Variants in SORT1 observed in about 807,000 individuals in gnomAD.
The protein encoded by SORT1 is sortilin 1.
In SORT1, 39 loss-of-function variants were observed where a neutral mutation model predicts 101.7. The ratio of observed to expected loss-of-function variants is 0.38; its 90% CI spans 0.30 to 0.50. SORT1 has a LOEUF of 0.50. Ranked by LOEUF, SORT1 falls within the 20% of genes least tolerant of loss-of-function variation. The pLI is 0.90. For synonymous variants in SORT1, 396 were observed against 393.7 expected (o/e 1.01, Z -0.07); for missense variants, 878 against 1,040.4 (o/e 0.84, Z 2.15).
intron 14 of SORT1, among the ~76,000 whole-genome samples, chr1:109,324,100 T>C (rs190821313): frequency 9.4e-5 from 14 of 149,084 alleles, no homozygotes; most frequent in Non-Finnish European, 1.9e-4. Flanking sequence ...TAACTACAGG[T>C]CATCCTTTTT....
chr1:109,381,022 G>C (rs1337738765), intron 1 of SORT1, among the ~76,000 whole-genome samples: 2 of 151,788 alleles, frequency 1.3e-5, no homozygotes, highest in Non-Finnish European at 2.9e-5. Context: ...ATCCAGTGAG[G>C]GCATAGGGAC....
In SORT1 at chr1:109,331,084, T is replaced by C. The variant is rs1025838155; in HGVS notation, c.1372-3483A>G. Among the ~76,000 whole-genome samples, 14 of 152,252 alleles carry C rather than the reference T, an allele frequency of 9.2e-5. No individual in the cohort carries two copies. The East Asian group carries it at 1.4e-3, about 15-fold the overall frequency. ...GATCCTTCTCAAACTCTTCCAAAAA[T>C]TGAAGAGAATGGAACACTTCCAAAC... On this transcript the variant is annotated intron_variant, in intron 11 of 19. Coordinates refer to ENST00000256637, the MANE Select transcript of SORT1 (RefSeq NM_002959.7).
intron 13 of SORT1, among the ~76,000 whole-genome samples, chr1:109,325,306 C>T (rs1047492366): frequency 1.4e-5 from 2 of 140,278 alleles, no homozygotes; most frequent in African/African-American, 5.3e-5. Context: ...GGCGCGATCT[C>T]GACTCACTGC....
At chr1:109,393,741 C>T (rs1166667950) in intron 1 of SORT1, among the ~76,000 whole-genome samples, 1 of 152,034 alleles carries the variant, frequency 6.6e-6, no homozygotes, top group East Asian at 1.9e-4. Flanking sequence ...TAATTATGTG[C>T]CAGACATTCT....
At chr1:109,325,159 G>T in intron 13 of SORT1, 70 bp from the exon 14 acceptor site, 1 of 1,012,054 alleles carries the variant, frequency 9.9e-7, no homozygotes, top group Non-Finnish European at 1.4e-6. Flanking sequence ...AAACCACTCT[G>T]GCTTTTTGAT....
chr1:109,314,329 C>T lies in SORT1; in HGVS notation c.2413G>A (p.Asp805Asn). ...GCTGTGTCCAAAGCATCCACACCAT[C>T]CACACCATTGGCCTCTGCATGCTGC... The part of the protein sequence containing the change: ...LQQHAEANGV[D>N]GVDALDTASH... Residue 805 changes from aspartate (D) to asparagine (N), a missense_variant, in exon 19 of 20, where the codon GAT (aspartate) becomes AAT (asparagine). Asp to Asn is a conservative substitution (Grantham distance 23). Around this residue, in one of 2 missense-constraint regions of SORT1, gnomAD observed 684 missense variants for 894.5 expected, o/e 0.76. Transcript: ENST00000256637. 1 of 1,614,024 alleles carries T rather than the reference C, an allele frequency of 6.2e-7. No individual in the cohort carries two copies.
chr1:109,382,041 ATAAG>A (rs1489941129), intron 1 of SORT1, among the ~76,000 whole-genome samples: 1 of 152,046 alleles, frequency 6.6e-6, no homozygotes, highest in Non-Finnish European at 1.5e-5. Flanking sequence ...ATAAAACTAT[ATAAG>A]TAAGCTATTT....
intron 13 of SORT1, 113 bp from the exon 14 acceptor site, chr1:109,325,202 G>T: frequency 1.9e-6 from 1 of 522,628 alleles, no homozygotes; most frequent in Non-Finnish European, 3.3e-6. Flanking sequence ...ACATTTAGGT[G>T]GTGGCTTATT....
intron 5 of SORT1, 139 bp downstream of exon 5, chr1:109,354,227 CA>C (rs1045184316): frequency 1.7e-6 from 1 of 602,244 alleles, no homozygotes; most frequent in Non-Finnish European, 2.7e-6. Context: ...GAAAAAACGT[CA>C]AAAAAATACA....
chr1:109,383,203 C>T (rs1652368233), intron 1 of SORT1, among the ~76,000 whole-genome samples: 2 of 152,176 alleles, frequency 1.3e-5, no homozygotes, highest in African/African-American at 4.8e-5. Context: ...CAAGGCAAGG[C>T]CCAGCTTAAA....
At position 109,336,364 on chromosome 1, in the gene SORT1, A is replaced by G. The variant is rs1341396904; in HGVS notation, c.1265-18T>C. On this transcript the variant is annotated intron_variant, in intron 10 of 19. Coordinates refer to ENST00000256637, the MANE Select transcript of SORT1 (RefSeq NM_002959.7). ...AGAATTATCTGAATGGGAAGAGAAC[A>G]ACATTAAGTCTGATACACTGGAAGT... 1 of 1,477,296 alleles carries G rather than the reference A, an allele frequency of 6.8e-7. No homozygotes were observed. Among genetic ancestry groups the G allele is most frequent in the East Asian group, 2.3e-5 (1 of 44,248 alleles). The allele number at this position is 1,477,296 out of a possible 1,614,324, so 91.5% of individuals were successfully genotyped here.
At chr1:109,315,241 AT>A (rs1658962002) in intron 17 of SORT1, among the ~76,000 whole-genome samples, 1 of 152,120 alleles carries the variant, frequency 6.6e-6, no homozygotes, top group African/African-American at 2.4e-5. Context: ...TGTTTACTTA[AT>A]TTTTTATATA....
chr1:109,381,390 A>G (rs905650945), intron 1 of SORT1, among the ~76,000 whole-genome samples: 3 of 152,186 alleles, frequency 2.0e-5, no homozygotes, highest in African/African-American at 4.8e-5. Context: ...ATACAACAAT[A>G]TATCAGGTGC....
At chr1:109,369,314 C>T (rs1260994724) in intron 2 of SORT1, among the ~76,000 whole-genome samples, 1 of 152,112 alleles carries the variant, frequency 6.6e-6, no homozygotes, top group Non-Finnish European at 1.5e-5. Flanking sequence ...AAGAGCGAAA[C>T]TCCGTCCCCA....
chr1:109,358,345 C>T (rs11804532), intron 3 of SORT1, among the ~76,000 whole-genome samples: 2,781 of 152,172 alleles, frequency 0.018, 88 homozygotes, highest in African/African-American at 0.064. Flanking sequence ...AACTCCTGGC[C>T]TCAAGCAATC....
chr1:109,319,866 C>CAAA (rs574333925), intron 15 of SORT1, among the ~76,000 whole-genome samples: 1 of 107,306 alleles, frequency 9.3e-6, no homozygotes, highest in Non-Finnish European at 1.9e-5. Context: ...GACTCCGTCT[C>CAAA]AAAAAAAAAA....
At chr1:109,363,466 CAA>C (rs1191365188) in intron 3 of SORT1, among the ~76,000 whole-genome samples, 5 of 152,060 alleles carry the variant, frequency 3.3e-5, no homozygotes, top group African/African-American at 1.2e-4. Flanking sequence ...TACATACACA[CAA>C]ACATATGTAT....
At chr1:109,397,546 AC>A in intron 1 of SORT1, 40 bp downstream of exon 1, 1 of 1,118,400 alleles carries the variant, frequency 8.9e-7, no homozygotes, top group Non-Finnish European at 1.1e-6. Context: ...CGCGGGCGGC[AC>A]CTCGCACCCG....
At chr1:109,338,884 T>C (rs1649019123) in intron 10 of SORT1, among the ~76,000 whole-genome samples, 1 of 147,638 alleles carries the variant, frequency 6.8e-6, no homozygotes, top group African/African-American at 2.5e-5. Context: ...CTCTGATACT[T>C]TTTTTTTTTT....
Sources: allele counts gnomAD v4.1 joint callset (sites outside exome capture counted in the v4.1 genomes callset), GRCh38; gene constraint gnomAD v4.1.1; regional missense constraint gnomAD v4.1.1; transcripts MANE v1.5; gene names NCBI Gene and HGNC (gene_info 2026-07-23, HGNC 2026-07-21).